The following CEP68 variants were observed in gnomAD, a reference collection of about 807,000 sequenced individuals.
CEP68 encodes the protein centrosomal protein 68, also known as centrosomal protein of 68 kDa.
In CEP68, 26 loss-of-function variants were observed where a neutral mutation model predicts 55.3. The observed-to-expected ratio is 0.47, with a 90% CI of 0.34 to 0.65. The LOEUF (loss-of-function observed/expected upper bound fraction) is 0.65, where lower values mean the gene tolerates loss of function less well. Ranked by LOEUF, CEP68 falls within the 30% of genes least tolerant of loss-of-function variation. The pLI is 0.01. For missense variants in CEP68, 957 were observed against 946.7 expected (o/e 1.01, Z -0.14); for synonymous variants, 402 against 383.2 (o/e 1.05, Z -0.57).
rs1326105405 is a variant in CEP68, at chr2:65,056,452, AG to A, written c.-120del. The A allele has an allele frequency of 6.6e-6, 1 of 152,454 alleles. No homozygotes were observed. The highest frequency in any genetic ancestry group is 1.5e-5 in the Non-Finnish European group (1 of 68,208). The allele number at this position is 152,454 out of a possible 1,614,324, so 9.4% of individuals were successfully genotyped here. ...CGGTTGGAGGGCCGCAGTTGCAGTC[AG>A]GGTCCGCCAGCTCGGGGCCAGCGCA... On this transcript the variant is annotated 5_prime_UTR_variant, in exon 1 of 7. Coordinates refer to ENST00000377990, the MANE Select transcript of CEP68 (RefSeq NM_015147.3).
intron 2 of CEP68, among the ~76,000 whole-genome samples, 175 bp downstream of exon 2, chr2:65,069,976 C>A (rs190975817): frequency 1.1e-3 from 175 of 152,266 alleles, no homozygotes; most frequent in Admixed American, 2.2e-3. Flanking sequence ...GGCCTCAGGA[C>A]CGGCCGGGGG....
In CEP68 at chr2:65,072,540, T is replaced by G. The variant is rs1676537089; in HGVS notation, c.1444T>G (p.Tyr482Asp). 6.2e-7 allele frequency: 1 copy of G among 1,613,618 alleles called. No individual in the cohort carries two copies. Among genetic ancestry groups the G allele is most frequent in the Non-Finnish European group, 8.5e-7 (1 of 1,179,960 alleles). Residue 482 changes from tyrosine (Y) to aspartate (D), a missense_variant, in exon 3 of 7, where the codon TAT becomes GAT. Coordinates refer to ENST00000377990, the MANE Select transcript of CEP68 (RefSeq NM_015147.3). ...AGAGGAAGTGGAAAGTGATGACGAG[T>G]ATCTTGCCCTCCCCGCTCGGCTGAC... ...SEEEVESDDEYLALPARLTQV... is the reference protein window; with the variant it reads ...SEEEVESDDEDLALPARLTQV...
rs894319522 is a variant in CEP68, at chr2:65,071,514, A to C, written c.418A>C (p.Thr140Pro). 5.5e-5 allele frequency: 70 copies of C among 1,263,074 alleles called. No individual in the cohort carries two copies. Among genetic ancestry groups the C allele is most frequent in the Non-Finnish European group, 7.2e-5 (65 of 903,744 alleles). 78.2% of individuals were successfully genotyped at this position (1,263,074 alleles called of 1,614,324 possible). A position where few individuals can be genotyped will look rare whatever the true frequency, so the allele number is the denominator to read the frequency against. The stretch of plus-strand genomic sequence containing the variant: ...CCCTCAGACTCTGAGCCTTCCCAGA[A>C]CAACAACTATTTGCTCAGGACATGA... ...EFPQTLSLPR[T>P]TTICSGHDAD... is the part of the protein sequence containing the mutation. The change falls in exon 3 of 7, where the codon ACA (threonine) becomes CCA (proline). Residue 140 changes from threonine to proline, a missense_variant. Coordinates refer to ENST00000377990, the MANE Select transcript of CEP68 (RefSeq NM_015147.3).
In CEP68 at chr2:65,069,387, C is replaced by T. The variant is rs143332578; in HGVS notation, c.-46-12C>T. On this transcript the variant is annotated splice_polypyrimidine_tract_variant and intron_variant, in intron 1 of 6. Transcript: ENST00000377990. Reference sequence around the variant, plus strand: ...AGATTTATATTTTTCTCTCCCTTCCCCTGTTTTGTAGGAAGCTGAAGTCTT... The same window carrying T: ...AGATTTATATTTTTCTCTCCCTTCCTCTGTTTTGTAGGAAGCTGAAGTCTT... The T allele has an allele frequency of 7.4e-5, 95 of 1,285,714 alleles. 1 individual carries two copies. In the African/African-American group the frequency reaches 1.2e-3, roughly 16 times the overall value. 79.6% of individuals were successfully genotyped at this position (1,285,714 alleles called of 1,614,324 possible).
chr2:65,056,779 G>T (rs1171725783), intron 1 of CEP68, among the ~76,000 whole-genome samples: 1 of 152,098 alleles, frequency 6.6e-6, no homozygotes, highest in Admixed American at 6.5e-5. Context: ...TGTGGCGGCC[G>T]AGGGGTCGGG....
chr2:65,078,007 TG>T, intron 5 of CEP68, 43 bp downstream of exon 5: 1 of 1,489,416 alleles, frequency 6.7e-7, no homozygotes, highest in East Asian at 2.3e-5. Context: ...GCTTAATCCC[TG>T]TCAGCAGCAG....
In CEP68 at chr2:65,082,677, C is replaced by T. The variant is rs779641254; in HGVS notation, c.2246C>T (p.Ala749Val). 32 of 1,602,668 alleles carry T rather than the reference C, an allele frequency of 2.0e-5. No individual in the cohort carries two copies. Among genetic ancestry groups the T allele is most frequent in the Non-Finnish European group, 8.5e-7 (1 of 1,176,656 alleles). Reference sequence around the variant, plus strand: ...ATCCCTGACAAAAAGCCCATGGCGGCAATGGAGCACCCATGTGAAGGGGTT... The same window carrying T: ...ATCCCTGACAAAAAGCCCATGGCGGTAATGGAGCACCCATGTGAAGGGGTT... The part of the protein sequence containing the change: ...TLIPDKKPMA[A>V]MEHPCEGV The change falls in exon 6 of 7, where the codon GCA becomes GTA. Residue 749 changes from alanine to valine, a missense_variant. Physicochemically the swap from Ala to Val is moderately conservative, Grantham distance 64. Coordinates refer to ENST00000377990, the MANE Select transcript of CEP68 (RefSeq NM_015147.3).
At chr2:65,078,746 G>A (rs768551930) in intron 5 of CEP68, among the ~76,000 whole-genome samples, 20 of 152,306 alleles carry the variant, frequency 1.3e-4, no homozygotes, top group Non-Finnish European at 2.8e-4. Context: ...GTTTCTCCAT[G>A]TTGGTCAGGC....
At position 65,071,939 on chromosome 2, in the gene CEP68, C is replaced by G. The variant is rs954994504; in HGVS notation, c.843C>G (p.Ser281=). The G allele has an allele frequency of 6.2e-7, 1 of 1,613,186 alleles. No individual in the cohort carries two copies. The highest frequency in any genetic ancestry group is 8.5e-7 in the Non-Finnish European group (1 of 1,179,980). The part of the protein sequence containing the change: ...AEYWACVLPD[S]LPPSPDRHSP... ...ACTGGGCCTGTGTGCTGCCAGATTC[C>G]CTGCCTCCATCACCCGACCGCCACT... The change falls in exon 3 of 7, where the codon TCC becomes TCG. Residue 281 remains serine, a synonymous_variant. Transcript: ENST00000377990.
rs1487278393 is a variant in CEP68 at position 65,070,593 on chromosome 2, G to C, written c.357+792G>C. ...TGAGCGGGACTGGGAGAGAACAGAG[G>C]CTGGGCCCCACCTGCCTGGGAGCAA... On this transcript the variant is annotated intron_variant, in intron 2 of 6. Coordinates refer to ENST00000377990, the MANE Select transcript of CEP68 (RefSeq NM_015147.3). 3 of 152,282 alleles carry C rather than the reference G, an allele frequency of 2.0e-5. No homozygotes were observed. In the East Asian group the frequency reaches 5.8e-4, roughly 30 times the overall value. The allele number at this position is 152,282 out of a possible 1,614,324, so 9.4% of individuals were successfully genotyped here. A position where few individuals can be genotyped will look rare whatever the true frequency, so the allele number is the denominator to read the frequency against.
intron 6 of CEP68, among the ~76,000 whole-genome samples, chr2:65,083,006 C>T (rs1350744686): frequency 2.0e-5 from 3 of 152,172 alleles, no homozygotes; most frequent in Non-Finnish European, 4.4e-5. Context: ...AAGAGCAGCA[C>T]AACTTATCTG....
intron 3 of CEP68, 145 bp downstream of exon 3, chr2:65,073,125 C>T: frequency 1.1e-6 from 1 of 918,158 alleles, no homozygotes; most frequent in Non-Finnish European, 1.8e-6. Flanking sequence ...TTATTCAGTC[C>T]TCACAACTTT....
At chr2:65,082,935 G>T (rs112261908) in intron 6 of CEP68, among the ~76,000 whole-genome samples, 23 of 152,294 alleles carry the variant, frequency 1.5e-4, no homozygotes, top group African/African-American at 5.5e-4. Context: ...GAGGATGAGG[G>T]TGCCTCTGTG....
At chr2:65,056,974 G>A (rs1219954065) in intron 1 of CEP68, among the ~76,000 whole-genome samples, 1 of 152,214 alleles carries the variant, frequency 6.6e-6, no homozygotes, top group Non-Finnish European at 1.5e-5. Flanking sequence ...AATGCAGCTC[G>A]GGCCTTTCCC....
At position 65,066,745 on chromosome 2, in the gene CEP68, A is replaced by AAAAAAAT. The variant is rs70943620; in HGVS notation, c.-46-2653_-46-2652insAAAAATA. On this transcript the variant is annotated intron_variant, in intron 1 of 6. Transcript: ENST00000377990. ...CTGTCTCAAAAAAAAAAAAAAAAAA[A>AAAAAAAT]ATATATATATATATATATATATACA... Among the ~76,000 whole-genome samples the AAAAAAAT allele has an allele frequency of 4.4e-3, 259 of 58,368 alleles. 1 individual carries two copies. The highest frequency in any genetic ancestry group is 6.4e-3 in the Non-Finnish European group (208 of 32,590). 38.3% of individuals were successfully genotyped at this position (58,368 alleles called of 152,430 possible).
chr2:65,079,299 G>C (rs1305141773), intron 5 of CEP68, among the ~76,000 whole-genome samples: 1 of 152,198 alleles, frequency 6.6e-6, no homozygotes, highest in Non-Finnish European at 1.5e-5. Context: ...ATTTTGTGGG[G>C]AATTGTCCTA....
rs1261451541 is a variant in CEP68 at position 65,072,839 on chromosome 2, G to T, written c.1743G>T (p.Gly581=). ...GTCTGGGGAGCAGCCAGGCCCTCGG[G>T]GTCTCCTCTGGACTGCTGAAAACAC... ...EGSLGSSQAL[G]VSSGLLKTRP... is the part of the protein sequence containing the mutation. The change falls in exon 3 of 7, where the codon GGG becomes GGT. Residue 581 remains glycine, a synonymous_variant. Transcript: ENST00000377990. The T allele has an allele frequency of 6.2e-7, 1 of 1,614,032 alleles. No homozygotes were observed. The highest frequency in any genetic ancestry group is 1.3e-5 in the African/African-American group (1 of 74,914).
chr2:65,080,894 A>C (rs1199953011), intron 5 of CEP68, among the ~76,000 whole-genome samples: 2 of 152,084 alleles, frequency 1.3e-5, no homozygotes, highest in African/African-American at 4.8e-5. Context: ...TCGCACAAGA[A>C]GACTGGGCAA....
At chr2:65,077,601 AAGCTGTTTGTGAGCC>A (rs775352053) in intron 4 of CEP68, among the ~76,000 whole-genome samples, 1 of 152,212 alleles carries the variant, frequency 6.6e-6, no homozygotes, top group Non-Finnish European at 1.5e-5. Flanking sequence ...CCCTAACTCC[AAGCTGTTTGTGAGCC>A]AGCCTCTGTC....
Sources: allele counts gnomAD v4.1 joint callset (sites outside exome capture counted in the v4.1 genomes callset), GRCh38; gene constraint gnomAD v4.1.1; transcripts MANE v1.5; gene names NCBI Gene and HGNC (gene_info 2026-07-23, HGNC 2026-07-21).